RNF185: variants seen among roughly 807,000 people sequenced by gnomAD.
The protein encoded by RNF185 is E3 ubiquitin-protein ligase RNF185.
In RNF185, 13 loss-of-function variants were observed where a neutral mutation model predicts 24.9. That is an observed-to-expected ratio of 0.52 (90% confidence interval 0.34 to 0.83). The LOEUF (loss-of-function observed/expected upper bound fraction) is 0.83. Among genes scored for constraint, RNF185 ranks in the 40% least tolerant of loss-of-function variants. The pLI is 0.01. For missense variants in RNF185, 184 were observed against 244.7 expected, an observed-to-expected ratio of 0.75 and a Z score of 1.65; for synonymous variants, 79 against 90.3, an observed-to-expected ratio of 0.88 and a Z score of 0.71.
rs12158256 is a variant in RNF185, at chr22:31,186,580, C to T, written c.-48-467C>T. ...TTGTGCCACTGCACTCCAGCCTGGGCGACAGAGTGAAACTCCATCTCTTAA... is the reference window on the plus strand; with the variant it reads ...TTGTGCCACTGCACTCCAGCCTGGGTGACAGAGTGAAACTCCATCTCTTAA... On this transcript the variant is annotated intron_variant, in intron 1 of 6. Coordinates refer to ENST00000326132, the MANE Select transcript of RNF185 (RefSeq NM_152267.4). Among the ~76,000 whole-genome samples, 694 of 152,156 alleles carry T rather than the reference C, an allele frequency of 4.6e-3. 5 individuals are homozygous for T. Among genetic ancestry groups the T allele is most frequent in the African/African-American group, 0.016 (650 of 41,490 alleles).
intron 1 of RNF185, among the ~76,000 whole-genome samples, chr22:31,168,082 A>G (rs1452338618): frequency 1.3e-5 from 2 of 152,206 alleles, no homozygotes; most frequent in Admixed American, 6.5e-5. Flanking sequence ...CTATTAAACA[A>G]TAACTCCCTA....
chr22:31,186,912 T>C (rs1376268201), intron 1 of RNF185, 135 bp from the exon 2 acceptor site: 6 of 655,858 alleles, frequency 9.1e-6, no homozygotes, highest in East Asian at 2.8e-5. Context: ...TCTTGTCTTC[T>C]GTAGCGCTTT....
intron 2 of RNF185, among the ~76,000 whole-genome samples, chr22:31,187,916 G>T (rs1173530337): frequency 7.2e-6 from 1 of 138,252 alleles, no homozygotes; most frequent in Non-Finnish European, 1.5e-5. Flanking sequence ...TCGGATTTTG[G>T]TTTTTTGTGT....
intron 1 of RNF185, among the ~76,000 whole-genome samples, chr22:31,164,066 G>A (rs930240847): frequency 8.6e-5 from 13 of 151,440 alleles, no homozygotes; most frequent in African/African-American, 3.2e-4. Context: ...ACTGCAACCT[G>A]TGCCTCCCAG....
At chr22:31,193,860 A>G (rs2048178445) in intron 3 of RNF185, among the ~76,000 whole-genome samples, 1 of 151,984 alleles carries the variant, frequency 6.6e-6, no homozygotes, top group Non-Finnish European at 1.5e-5. Flanking sequence ...AAACAAACCA[A>G]AAACATTTTT....
chr22:31,191,508 T>C (rs9606824), intron 2 of RNF185, among the ~76,000 whole-genome samples: 2 of 152,168 alleles, frequency 1.3e-5, no homozygotes, highest in African/African-American at 4.8e-5. Context: ...ACAGTAGATA[T>C]GTGTTAACTA....
At chr22:31,193,147 C>T (rs1203751695) in intron 3 of RNF185, among the ~76,000 whole-genome samples, 3 of 152,176 alleles carry the variant, frequency 2.0e-5, no homozygotes, top group African/African-American at 7.2e-5. Flanking sequence ...CTTGGTGAGA[C>T]AGAGCTGGGC....
At chr22:31,188,096 C>T (rs2048117857) in intron 2 of RNF185, among the ~76,000 whole-genome samples, 1 of 152,078 alleles carries the variant, frequency 6.6e-6, no homozygotes, top group Admixed American at 6.5e-5. Flanking sequence ...CTACTGTATA[C>T]CTCTCACAGC....
At chr22:31,181,409 C>T (rs1292329148) in intron 1 of RNF185, among the ~76,000 whole-genome samples, 1 of 152,104 alleles carries the variant, frequency 6.6e-6, no homozygotes, top group African/African-American at 2.4e-5. Flanking sequence ...TTACAGTGAA[C>T]CTCCATTCAT....
intron 2 of RNF185, among the ~76,000 whole-genome samples, chr22:31,187,761 C>CT (rs2048113881): frequency 6.6e-6 from 1 of 152,156 alleles, no homozygotes; most frequent in Non-Finnish European, 1.5e-5. Flanking sequence ...TATGTGTTAG[C>CT]TATGACTATA....
At position 31,201,487 on chromosome 22, in the gene RNF185, C is replaced by T. The variant is rs1417207933; in HGVS notation, c.364-11C>T. 1 of 1,602,506 alleles carries T rather than the reference C, an allele frequency of 6.2e-7. No homozygotes were observed. Among genetic ancestry groups the T allele is most frequent in the Non-Finnish European group, 8.5e-7 (1 of 1,171,130 alleles). ...GATTCTCCTGCCCTTAATTGCCTTT[C>T]TTCCACACAGGGATTTCAAGGATTT... On this transcript the variant is annotated splice_polypyrimidine_tract_variant and intron_variant, in intron 5 of 6. Coordinates refer to ENST00000326132, the MANE Select transcript of RNF185 (RefSeq NM_152267.4).
intron 1 of RNF185, among the ~76,000 whole-genome samples, chr22:31,186,548 G>A (rs2048100298): frequency 6.6e-6 from 1 of 152,170 alleles, no homozygotes; most frequent in Admixed American, 6.5e-5. Context: ...GTTGCAGTGA[G>A]CCAAGATTGT....
intron 1 of RNF185, among the ~76,000 whole-genome samples, chr22:31,173,416 G>GACACAC (rs55812227): frequency 0.18 from 26,556 of 146,738 alleles, 2,905 homozygotes; most frequent in East Asian, 0.44. Context: ...CACACACACA[G>GACACAC]ACACACACAC....
intron 1 of RNF185, among the ~76,000 whole-genome samples, chr22:31,181,461 T>G (rs1193051358): frequency 1.3e-5 from 2 of 152,232 alleles, no homozygotes; most frequent in African/African-American, 4.8e-5. Context: ...TTGTTTCATC[T>G]TTTCTCTCCA....
At chr22:31,184,035 A>C (rs1020104564) in intron 1 of RNF185, among the ~76,000 whole-genome samples, 4 of 144,658 alleles carry the variant, frequency 2.8e-5, no homozygotes, top group African/African-American at 7.8e-5. Context: ...CACCTCCCGG[A>C]CGGGGCGGCT....
intron 4 of RNF185, among the ~76,000 whole-genome samples, chr22:31,196,685 G>T (rs540438384): frequency 5.2e-4 from 79 of 152,348 alleles, no homozygotes; most frequent in South Asian, 3.1e-3. Context: ...TGTAAGAGGA[G>T]TAGGCTGTAG....
intron 5 of RNF185, among the ~76,000 whole-genome samples, chr22:31,199,115 GAAA>G (rs2048238014): frequency 6.9e-6 from 1 of 144,710 alleles, no homozygotes; most frequent in Non-Finnish European, 1.5e-5. Context: ...AAAAAAAAAA[GAAA>G]GAAAGAAATT....
Position 31,187,405 on chromosome 22 carries a change from T to C in RNF185, c.176+135T>C, listed in dbSNP as rs935465333. On this transcript the variant is annotated intron_variant, in intron 2 of 6. Transcript: ENST00000326132. ...GGCTCAAGGGACAAGAGACCTGAGT[T>C]CCCATCCCAGCTCTGCTACCAATGA... 26 of 922,038 alleles carry C rather than the reference T, an allele frequency of 2.8e-5. No homozygotes were observed. The South Asian group carries it at 3.4e-4, about 12-fold the overall frequency. 57.1% of individuals were successfully genotyped at this position (922,038 alleles called of 1,614,324 possible). A position where few individuals can be genotyped will look rare whatever the true frequency, so the allele number is the denominator to read the frequency against.
At chr22:31,174,941 C>T (rs986583620) in intron 1 of RNF185, among the ~76,000 whole-genome samples, 1 of 151,732 alleles carries the variant, frequency 6.6e-6, no homozygotes, top group Non-Finnish European at 1.5e-5. Context: ...GGTGTGGTGG[C>T]GGGTGCCTGT....
Sources: gnomAD v4.1 joint callset for allele counts (sites outside exome capture counted in the v4.1 genomes callset) on GRCh38, gnomAD v4.1.1 for gene constraint, MANE v1.5 for transcripts, NCBI Gene and HGNC (gene_info 2026-07-23, HGNC 2026-07-21) for gene names.